Variants in APBB2 observed in about 807,000 individuals in gnomAD.
The protein encoded by APBB2 is Fe65-like 1.
APBB2 carries 38 observed loss-of-function variants against 82.5 expected under a neutral mutation model. The observed-to-expected ratio is 0.46, with a 90% CI of 0.36 to 0.60. The LOEUF is 0.60. APBB2 is among the 20% of genes least tolerant of loss of function. The pLI is 0.00. For missense variants in APBB2, 772 were observed against 972.3 expected (o/e 0.79, Z 2.74); for synonymous variants, 341 against 368.2 (o/e 0.93, Z 0.85).
Position 40,821,879 on chromosome 4 carries a change from C to T in APBB2, c.2104G>A (p.Ala702Thr), listed in dbSNP as rs1476184305. The change falls in exon 17 of 18, where the codon GCC becomes ACC. Residue 702 changes from alanine to threonine, a missense_variant. Coordinates refer to ENST00000508593, the MANE Select transcript of APBB2 (RefSeq NM_004307.2). Reference protein sequence around the residue: ...AGNVSEAVQAACMLRYQKCLV... With the variant: ...AGNVSEAVQATCMLRYQKCLV... ...GTACCGGGATAACTCACCATGCAGG[C>T]GGCCTGCACCGCCTCAGACACGTTA... 3 of 1,612,856 alleles carry T rather than the reference C, an allele frequency of 1.9e-6. No homozygotes were observed. The highest frequency in any genetic ancestry group is 2.5e-6 in the Non-Finnish European group (3 of 1,179,918).
chr4:41,089,889 T>A (rs1199607144), intron 3 of APBB2, among the ~76,000 whole-genome samples: 1 of 152,154 alleles, frequency 6.6e-6, no homozygotes, highest in Non-Finnish European at 1.5e-5. Context: ...TACGCCCATG[T>A]CTCCTACTGC....
At chr4:41,091,741 T>A (rs1458119412) in intron 3 of APBB2, among the ~76,000 whole-genome samples, 1 of 152,178 alleles carries the variant, frequency 6.6e-6, no homozygotes, top group Non-Finnish European at 1.5e-5. Context: ...TTAAGTACTT[T>A]TTTCTTAATC....
At chr4:40,953,671 A>G (rs1560373317) in intron 6 of APBB2, among the ~76,000 whole-genome samples, 2 of 152,112 alleles carry the variant, frequency 1.3e-5, no homozygotes, top group Non-Finnish European at 2.9e-5. Context: ...AGAAGCCTTA[A>G]AGATCAAATT....
intron 12 of APBB2, among the ~76,000 whole-genome samples, chr4:40,867,473 T>C (rs1295098014): frequency 6.6e-6 from 1 of 152,154 alleles, no homozygotes; most frequent in Non-Finnish European, 1.5e-5. Flanking sequence ...AGGGAATGAG[T>C]GAACTCAATT....
chr4:40,854,313 GT>G (rs900010632), intron 12 of APBB2, among the ~76,000 whole-genome samples: 1 of 152,176 alleles, frequency 6.6e-6, no homozygotes, highest in African/African-American at 2.4e-5. Flanking sequence ...TACTTAGTAT[GT>G]TTTTCTGTGA....
At chr4:40,907,350 T>TATATATATATATATATATTAC (rs1777115030) in intron 10 of APBB2, among the ~76,000 whole-genome samples, 2 of 72,058 alleles carry the variant, frequency 2.8e-5, no homozygotes, top group Non-Finnish European at 5.5e-5. Context: ...ATATATTACA[T>TATATATATATATATATATTAC]ATATATATAT....
chr4:41,123,579 C>G (rs1753516766), intron 2 of APBB2, among the ~76,000 whole-genome samples: 1 of 152,116 alleles, frequency 6.6e-6, no homozygotes, highest in African/African-American at 2.4e-5. Context: ...CACCTGTAAT[C>G]CCAGCACTTT....
intron 12 of APBB2, among the ~76,000 whole-genome samples, chr4:40,871,478 C>T (rs2154340881): frequency 6.6e-6 from 1 of 152,322 alleles, no homozygotes; most frequent in East Asian, 1.9e-4. Context: ...TCTTCCTTCC[C>T]TCATGTGGGC....
At position 40,955,963 on chromosome 4, in the gene APBB2, A is replaced by ATG. The variant is rs756636082; in HGVS notation, c.836-10891_836-10890insCA. On this transcript the variant is annotated intron_variant, in intron 6 of 17. Transcript: ENST00000508593. Reference sequence around the variant, plus strand: ...GCTAATTTTTGTATTTTTAGTAGACAGGGTTTCACCATGTTGGCCAGGCTG... The same window carrying ATG: ...GCTAATTTTTGTATTTTTAGTAGACATGGGGTTTCACCATGTTGGCCAGGCTG... 5.6e-3 allele frequency among the ~76,000 whole-genome samples: 858 copies of ATG among 152,100 alleles called. 3 individuals are homozygous for ATG. Among genetic ancestry groups the ATG allele is most frequent in the Middle Eastern group, 0.024 (7 of 294 alleles).
chr4:40,907,990 GTGTGTATGTGTGTA>G (rs1331742165), intron 10 of APBB2, among the ~76,000 whole-genome samples: 4 of 146,378 alleles, frequency 2.7e-5, no homozygotes, highest in Non-Finnish European at 4.6e-5. Flanking sequence ...TGGTGTGTGT[GTGTGTATGTGTGTA>G]TGTGTATGTG....
chr4:41,204,735 T>C (rs1777525534), intron 1 of APBB2, among the ~76,000 whole-genome samples: 1 of 152,212 alleles, frequency 6.6e-6, no homozygotes, highest in Non-Finnish European at 1.5e-5. Context: ...TGCCCAGCAC[T>C]TGGGAAGCCA....
chr4:40,902,519 C>T (rs1480579632), intron 10 of APBB2, among the ~76,000 whole-genome samples: 1 of 151,946 alleles, frequency 6.6e-6, no homozygotes, highest in Non-Finnish European at 1.5e-5. Context: ...AAAGTCTGAC[C>T]CAGGTTTTTT....
chr4:40,819,189 C>CT (rs1228766862), intron 17 of APBB2, among the ~76,000 whole-genome samples: 210 of 65,394 alleles, frequency 3.2e-3, no homozygotes, highest in South Asian at 6.3e-3. Context: ...TTTTTTTTTT[C>CT]TTTTTTTTTT....
chr4:41,068,946 C>T (rs1221430804), intron 3 of APBB2, among the ~76,000 whole-genome samples: 1 of 152,090 alleles, frequency 6.6e-6, no homozygotes, highest in Non-Finnish European at 1.5e-5. Context: ...CAGGCACATG[C>T]CACCATGCCC....
chr4:40,880,889 G>T (rs747601958), intron 12 of APBB2: 36 of 984,838 alleles, frequency 3.7e-5, no homozygotes, highest in Non-Finnish European at 3.9e-5. Context: ...AATGGACGAG[G>T]TATTTCTCAG....
intron 10 of APBB2, among the ~76,000 whole-genome samples, chr4:40,918,508 C>T (rs966682813): frequency 1.3e-5 from 2 of 152,310 alleles, no homozygotes; most frequent in South Asian, 2.1e-4. Flanking sequence ...TGCTTTAATG[C>T]CGTTAATGGC....
At chr4:40,982,280 A>AGG (rs1578957872) in intron 6 of APBB2, among the ~76,000 whole-genome samples, 2 of 41,386 alleles carry the variant, frequency 4.8e-5, no homozygotes, top group East Asian at 4.2e-4. Flanking sequence ...GAAAGAAAGA[A>AGG]AGAAGGAAGG....
Position 40,991,410 on chromosome 4 carries a change from C to T in APBB2, c.835+22173G>A, listed in dbSNP as rs576503292. ...CTTGCATTTAAAAACCCTCACACCC[C>T]TTACGATAACCTATTCTGTCCCTAA... is the stretch of plus-strand genomic sequence containing the variant. On this transcript the variant is annotated intron_variant, in intron 6 of 17. Coordinates refer to ENST00000508593, the MANE Select transcript of APBB2 (RefSeq NM_004307.2). 4.9e-4 allele frequency among the ~76,000 whole-genome samples: 75 copies of T among 152,094 alleles called. 1 individual carries two copies. Among genetic ancestry groups the T allele is most frequent in the Admixed American group, 9.2e-4 (14 of 15,284 alleles).
At chr4:40,971,311 TTTCA>T (rs904580367) in intron 6 of APBB2, among the ~76,000 whole-genome samples, 1 of 152,222 alleles carries the variant, frequency 6.6e-6, no homozygotes, top group Non-Finnish European at 1.5e-5. Context: ...CTTTCATCTC[TTTCA>T]TTAATTTTTT....
Sources: gnomAD v4.1 joint callset for allele counts (sites outside exome capture counted in the v4.1 genomes callset) on GRCh38, gnomAD v4.1.1 for gene constraint, MANE v1.5 for transcripts, NCBI Gene and HGNC (gene_info 2026-07-23, HGNC 2026-07-21) for gene names.